The following IQSEC3 variants were observed in gnomAD, a reference collection of about 807,000 sequenced individuals.
IQSEC3 encodes IQ motif and SEC7 domain-containing protein 3.
IQSEC3 carries 50 observed loss-of-function variants against 105.4 expected under a neutral mutation model. The observed-to-expected ratio is 0.47, with a 90% CI of 0.38 to 0.60. IQSEC3 has a LOEUF of 0.60. Among genes scored for constraint, IQSEC3 ranks in the 20% least tolerant of loss-of-function variants. IQSEC3 has a pLI of 0.00. For missense variants in IQSEC3, 1,415 were observed against 1,630.0 expected, an observed-to-expected ratio of 0.87 and a Z score of 2.27; for synonymous variants, 708 against 746.0, an observed-to-expected ratio of 0.95 and a Z score of 0.83.
intron 6 of IQSEC3, among the ~76,000 whole-genome samples, 173 bp from the exon 7 acceptor site, chr12:157,355 T>G (rs1039938013): frequency 2.6e-5 from 4 of 151,788 alleles, no homozygotes; most frequent in Non-Finnish European, 4.4e-5. Context: ...GCTGGAAATG[T>G]GGGGCATTTG....
At position 176,040 on chromosome 12, in the gene IQSEC3, G is replaced by C. The variant is rs1259855035; in HGVS notation, c.*1007G>C. 1 of 152,210 alleles carries C rather than the reference G, an allele frequency of 6.6e-6. No homozygotes were observed. The highest frequency in any genetic ancestry group is 1.9e-4 in the East Asian group (1 of 5,172). The allele number at this position is 152,210 out of a possible 1,614,324, so 9.4% of individuals were successfully genotyped here. A position where few individuals can be genotyped will look rare whatever the true frequency, so the allele number is the denominator to read the frequency against. On this transcript the variant is annotated 3_prime_UTR_variant, in exon 14 of 14. Transcript: ENST00000538872. This position sits in a 1 kb window ranked among gnomAD's most constrained non-coding sequence, Gnocchi z 4.0. The stretch of plus-strand genomic sequence containing the variant: ...TCCTGCATGAGTCTGTGGCCTCCAG[G>C]AGGGACTTGGGTGCAGATGTAAGCA...
At chr12:160,457 G>T (rs782468610) in intron 7 of IQSEC3, among the ~76,000 whole-genome samples, 3 of 152,170 alleles carry the variant, frequency 2.0e-5, no homozygotes, top group Non-Finnish European at 4.4e-5. Context: ...CAGAATGTAT[G>T]ATTCTGGCTG....
At chr12:89,118 C>T (rs1864005867) in intron 1 of IQSEC3, among the ~76,000 whole-genome samples, 1 of 152,116 alleles carries the variant, frequency 6.6e-6, no homozygotes, top group Non-Finnish European at 1.5e-5. Flanking sequence ...TTCTATCAAA[C>T]CTTCTAGGGA....
chr12:167,879 A>G (rs979950226), intron 11 of IQSEC3, among the ~76,000 whole-genome samples: 21 of 152,336 alleles, frequency 1.4e-4, no homozygotes, highest in African/African-American at 5.1e-4. Flanking sequence ...TTTGCATCCA[A>G]TGGCCCAGGA....
At chr12:119,907 G>C (rs1234455367) in intron 2 of IQSEC3, among the ~76,000 whole-genome samples, 1 of 152,228 alleles carries the variant, frequency 6.6e-6, no homozygotes, top group African/African-American at 2.4e-5. Flanking sequence ...CAGCAGCTGA[G>C]CGAGAAGTCC....
At chr12:112,245 C>T (rs1439292522) in intron 2 of IQSEC3, among the ~76,000 whole-genome samples, 2 of 125,476 alleles carry the variant, frequency 1.6e-5, no homozygotes, top group African/African-American at 6.1e-5. Context: ...AAACTTTCAT[C>T]TTAGACTAAA....
At chr12:130,972 C>A (rs112273706) in intron 3 of IQSEC3, among the ~76,000 whole-genome samples, 3 of 148,240 alleles carry the variant, frequency 2.0e-5, no homozygotes, top group African/African-American at 7.5e-5. Context: ...GGAAGCCCCC[C>A]ACACCTCCCC....
At chr12:143,826 C>CGTGT (rs111698246) in intron 5 of IQSEC3, 21,516 of 147,336 alleles carry the variant, frequency 0.15, 1,776 homozygotes, top group African/African-American at 0.22. Context: ...GCTGGGCACC[C>CGTGT]GTGTGTGTGT....
At chr12:163,229 C>G (rs868918179) in intron 8 of IQSEC3, among the ~76,000 whole-genome samples, 118 of 17,874 alleles carry the variant, frequency 6.6e-3, no homozygotes, top group Admixed American at 0.014. Context: ...CAGAACCGGA[C>G]CCCTCCCCTC....
At chr12:84,643 G>T (rs141005069) in intron 1 of IQSEC3, among the ~76,000 whole-genome samples, 2 of 152,306 alleles carry the variant, frequency 1.3e-5, no homozygotes, top group East Asian at 3.9e-4. Context: ...GTGTATGTTT[G>T]TGTGTACACA....
chr12:123,265 G>A (rs1383048687), intron 2 of IQSEC3, among the ~76,000 whole-genome samples: 3 of 151,970 alleles, frequency 2.0e-5, no homozygotes, highest in Admixed American at 6.6e-5. Context: ...AAATTTGCCC[G>A]GTATGGTGGT....
intron 1 of IQSEC3, among the ~76,000 whole-genome samples, chr12:97,825 G>A (rs967755269): frequency 2.4e-4 from 36 of 152,120 alleles, no homozygotes; most frequent in African/African-American, 8.7e-4. Flanking sequence ...GTTAAGATAC[G>A]CTACAGTGTT....
intron 7 of IQSEC3, among the ~76,000 whole-genome samples, chr12:159,723 A>G (rs1272997274): frequency 2.0e-5 from 3 of 152,118 alleles, no homozygotes; most frequent in Non-Finnish European, 4.4e-5. Flanking sequence ...TCTTCCATCC[A>G]TCATGCCCAG....
At chr12:171,445 C>G in intron 13 of IQSEC3, 3 of 844,376 alleles carry the variant, frequency 3.6e-6, no homozygotes, top group Non-Finnish European at 3.8e-6. Context: ...CTCACGGCAC[C>G]CTAGGGCCAT....
chr12:90,367 G>A lies in IQSEC3; in HGVS notation c.555-8779G>A, dbSNP rs181207725. Among the ~76,000 whole-genome samples the A allele has an allele frequency of 2.6e-3, 402 of 152,070 alleles. 2 individuals are homozygous for A. In the East Asian group the frequency reaches 0.027, roughly 10 times the overall value. On this transcript the variant is annotated intron_variant, in intron 1 of 13. Transcript: ENST00000538872. ...TAACTTAGCAATTTTTTTGTTTCGT[G>A]GCTTGTGCTTTCTGGTCCTATCTAT...
intron 2 of IQSEC3, among the ~76,000 whole-genome samples, chr12:120,741 C>G (rs180979079): frequency 4.5e-4 from 68 of 152,338 alleles, no homozygotes; most frequent in African/African-American, 1.5e-3. Context: ...AAGATGTTCA[C>G]TTCCCATACT....
intron 2 of IQSEC3, among the ~76,000 whole-genome samples, chr12:108,054 C>T (rs1489823488): frequency 6.6e-6 from 1 of 152,200 alleles, no homozygotes; most frequent in African/African-American, 2.4e-5. Context: ...CTTCTACCTC[C>T]AGGGAGGCTG....
chr12:80,234 T>C (rs75060842), intron 1 of IQSEC3, among the ~76,000 whole-genome samples: 338 of 152,320 alleles, frequency 2.2e-3, no homozygotes, highest in Non-Finnish European at 4.2e-3. Context: ...GAAATACGAT[T>C]CGGCAAGTGC....
intron 2 of IQSEC3, among the ~76,000 whole-genome samples, chr12:100,763 A>T (rs1183123422): frequency 6.6e-6 from 1 of 152,152 alleles, no homozygotes; most frequent in Non-Finnish European, 1.5e-5. Context: ...ACATCAGGAT[A>T]CCCTCAAAAG....
Sources: gnomAD v4.1 joint callset for allele counts (sites outside exome capture counted in the v4.1 genomes callset) on GRCh38, gnomAD v4.1.1 for gene constraint, Gnocchi (gnomAD v3.1) non-coding constraint, MANE v1.5 for transcripts, NCBI Gene and HGNC (gene_info 2026-07-23, HGNC 2026-07-21) for gene names.